CCDC7: variants seen among roughly 807,000 people sequenced by gnomAD.
CCDC7 encodes coiled-coil domain-containing protein 7.
CCDC7 carries 183 observed loss-of-function variants against 196.9 expected under a neutral mutation model. The ratio of observed to expected loss-of-function variants is 0.93; its 90% CI spans 0.82 to 1.05. The LOEUF is 1.05. Ranked by LOEUF, CCDC7 falls within the 50% of genes least tolerant of loss-of-function variation. CCDC7 has a pLI of 0.00. For missense variants in CCDC7, 1,540 were observed against 1,482.2 expected, an observed-to-expected ratio of 1.04 and a Z score of -0.64; for synonymous variants, 525 against 484.6, an observed-to-expected ratio of 1.08 and a Z score of -1.10.
chr10:32,646,511 C>T (rs1432045501), intron 20 of CCDC7, among the ~76,000 whole-genome samples: 7 of 152,032 alleles, frequency 4.6e-5, no homozygotes, highest in Non-Finnish European at 8.8e-5. Context: ...TTGGGTGACA[C>T]GTATTATAAA....
At chr10:32,830,086 A>AAT (rs1263831022) in intron 32 of CCDC7, among the ~76,000 whole-genome samples, 7 of 130,820 alleles carry the variant, frequency 5.4e-5, no homozygotes, top group East Asian at 2.2e-4. Context: ...ATACTTAATA[A>AAT]ATATATATAT....
At chr10:32,671,444 A>G (rs1368607639) in intron 21 of CCDC7, among the ~76,000 whole-genome samples, 1 of 152,178 alleles carries the variant, frequency 6.6e-6, no homozygotes, top group Non-Finnish European at 1.5e-5. Context: ...ATGTAGGTTT[A>G]TGCAATGATA....
At chr10:32,780,716 TGAA>T (rs2080916325) in intron 29 of CCDC7, among the ~76,000 whole-genome samples, 1 of 151,970 alleles carries the variant, frequency 6.6e-6, no homozygotes, top group Non-Finnish European at 1.5e-5. Context: ...TTAGAGGAAA[TGAA>T]GAGCAAAAAG....
intron 9 of CCDC7, among the ~76,000 whole-genome samples, chr10:32,506,867 G>GAGGGAT: frequency 6.6e-6 from 1 of 152,146 alleles, no homozygotes; most frequent in South Asian, 2.1e-4. Flanking sequence ...GGGAGAGGGA[G>GAGGGAT]AGGGAGAGGC....
At chr10:32,822,959 C>T (rs189907575) in intron 31 of CCDC7, among the ~76,000 whole-genome samples, 36 of 152,224 alleles carry the variant, frequency 2.4e-4, no homozygotes, top group African/African-American at 8.4e-4. Context: ...CATTGACTCC[C>T]TGCTTATCTA....
At chr10:32,776,737 T>C (rs967346648) in intron 28 of CCDC7, among the ~76,000 whole-genome samples, 1 of 152,230 alleles carries the variant, frequency 6.6e-6, no homozygotes, top group Admixed American at 6.5e-5. Flanking sequence ...TTATTTAACA[T>C]ATTTGTATTC....
At chr10:32,774,327 T>TC (rs1175789588) in intron 28 of CCDC7, among the ~76,000 whole-genome samples, 2 of 152,004 alleles carry the variant, frequency 1.3e-5, no homozygotes, top group African/African-American at 4.8e-5. Context: ...CCCAGGTGGT[T>TC]CAGTCCTCCC....
At chr10:32,752,899 A>T (rs1022541009) in intron 28 of CCDC7, among the ~76,000 whole-genome samples, 1 of 152,066 alleles carries the variant, frequency 6.6e-6, no homozygotes, top group Non-Finnish European at 1.5e-5. Flanking sequence ...TTTGAGTTGA[A>T]TAAAGGAGAG....
chr10:32,809,612 C>A (rs1201023170), intron 30 of CCDC7, among the ~76,000 whole-genome samples: 5 of 152,260 alleles, frequency 3.3e-5, no homozygotes, highest in African/African-American at 1.2e-4. Context: ...ATGCAGCCAA[C>A]AGACACAAGA....
intron 11 of CCDC7, among the ~76,000 whole-genome samples, chr10:32,523,595 G>A (rs1254718400): frequency 6.7e-6 from 1 of 149,926 alleles, no homozygotes; most frequent in Non-Finnish European, 1.5e-5. Context: ...AGCTATTATT[G>A]TATTGATATC....
At chr10:32,533,302 C>G (rs1330703248) in intron 11 of CCDC7, among the ~76,000 whole-genome samples, 1 of 148,544 alleles carries the variant, frequency 6.7e-6, no homozygotes, top group African/African-American at 2.5e-5. Context: ...AACTTCTCCC[C>G]CACATTTTGA....
intron 37 of CCDC7, 79 bp downstream of exon 38, chr10:32,846,538 G>C: frequency 1.2e-6 from 1 of 825,262 alleles, no homozygotes; most frequent in South Asian, 1.7e-5. Context: ...GACATTTAAT[G>C]ACAATAGTGC....
chr10:32,825,415 G>C lies in CCDC7; in HGVS notation c.3268+811G>C, dbSNP rs1182836489. On this transcript the variant is annotated intron_variant, in intron 32 of 41. Transcript: ENST00000639629. ...TAGAATATAAAGCAGACAGAAAAAC[G>C]TGAAAAGACTAGACTGGCCTAGCCT... 3.3e-5 allele frequency among the ~76,000 whole-genome samples: 5 copies of C among 152,148 alleles called. No individual in the cohort carries two copies. The South Asian group carries it at 1.0e-3, about 32-fold the overall frequency.
At chr10:32,456,593 A>G (rs1181338613) in intron 3 of CCDC7, among the ~76,000 whole-genome samples, 1 of 152,164 alleles carries the variant, frequency 6.6e-6, no homozygotes, top group African/African-American at 2.4e-5. Flanking sequence ...TAATTCTTCA[A>G]TAGTTGTGTG....
intron 28 of CCDC7, among the ~76,000 whole-genome samples, chr10:32,744,543 G>C (rs982733445): frequency 6.6e-6 from 1 of 152,054 alleles, no homozygotes; most frequent in Non-Finnish European, 1.5e-5. Flanking sequence ...TTTCATTGTT[G>C]TTCTAATGCA....
intron 28 of CCDC7, among the ~76,000 whole-genome samples, chr10:32,754,402 G>A (rs1457812043): frequency 6.6e-6 from 1 of 152,126 alleles, no homozygotes; most frequent in East Asian, 1.9e-4. Context: ...TGACTACATA[G>A]GGAGATATTT....
intron 28 of CCDC7, among the ~76,000 whole-genome samples, chr10:32,748,787 C>A (rs2075224123): frequency 6.6e-6 from 1 of 152,150 alleles, no homozygotes; most frequent in African/African-American, 2.4e-5. Context: ...TGATAAAACC[C>A]TAGTCGGTTT....
intron 18 of CCDC7, among the ~76,000 whole-genome samples, chr10:32,619,565 G>A (rs1225491191): frequency 6.6e-6 from 1 of 151,940 alleles, no homozygotes; most frequent in Non-Finnish European, 1.5e-5. Flanking sequence ...GAATAATGAG[G>A]AGTAATTAGC....
intron 24 of CCDC7, among the ~76,000 whole-genome samples, chr10:32,704,915 C>A (rs1191656721): frequency 6.6e-6 from 1 of 152,134 alleles, no homozygotes; most frequent in Non-Finnish European, 1.5e-5. Context: ...ATCTGTCACA[C>A]CTTTCCTTGG....
Sources: gnomAD v4.1 joint callset for allele counts (sites outside exome capture counted in the v4.1 genomes callset) on GRCh38, gnomAD v4.1.1 for gene constraint, MANE v1.5 for transcripts, NCBI Gene and HGNC (gene_info 2026-07-23, HGNC 2026-07-21) for gene names.